The following SRD5A1 variants were observed in gnomAD, a reference collection of about 807,000 sequenced individuals.
SRD5A1 encodes the protein steroid 5 alpha-reductase 1, also known as 3-oxo-5-alpha-steroid 4-dehydrogenase 1.
SRD5A1 carries 22 observed loss-of-function variants against 28.2 expected under a neutral mutation model. That is an observed-to-expected ratio of 0.78 (90% confidence interval 0.56 to 1.12). The LOEUF is 1.12. Among genes scored for constraint, SRD5A1 ranks in the 50% most tolerant of loss-of-function variants. The pLI is 0.00. For synonymous variants in SRD5A1, 151 were observed against 135.0 expected (o/e 1.12, Z -0.82); for missense variants, 300 against 346.7 (o/e 0.87, Z 1.07).
intron 1 of SRD5A1, among the ~76,000 whole-genome samples, chr5:6,647,777 A>T (rs954842445): frequency 6.6e-6 from 1 of 152,250 alleles, no homozygotes; most frequent in East Asian, 1.9e-4. Context: ...ATTTAAGGTT[A>T]GTATTGTTAT....
intron 3 of SRD5A1, among the ~76,000 whole-genome samples, chr5:6,661,084 C>T (rs902228686): frequency 1.3e-5 from 2 of 152,144 alleles, no homozygotes; most frequent in African/African-American, 4.8e-5. Context: ...CAGAATCAAA[C>T]CATATCAGTA....
In SRD5A1 at chr5:6,674,031, T is replaced by C. The variant is rs1275684664; in HGVS notation, c.*5763T>C. Reference sequence around the variant, plus strand: ...TATGATACTTTATGGATATAGAATATTATGCATTTTTCAAAACACATAGAA... The same window carrying C: ...TATGATACTTTATGGATATAGAATACTATGCATTTTTCAAAACACATAGAA... On this transcript the variant is annotated 3_prime_UTR_variant, in exon 5 of 5. Transcript: ENST00000274192. The C allele has an allele frequency of 6.6e-6, 1 of 152,116 alleles. No individual in the cohort carries two copies. The highest frequency in any genetic ancestry group is 1.5e-5 in the Non-Finnish European group (1 of 68,020). The allele number at this position is 152,116 out of a possible 1,614,324, so 9.4% of individuals were successfully genotyped here. A position where few individuals can be genotyped will look rare whatever the true frequency, so the allele number is the denominator to read the frequency against.
chr5:6,663,960 G>A (rs1739086543), intron 4 of SRD5A1, among the ~76,000 whole-genome samples: 1 of 152,198 alleles, frequency 6.6e-6, no homozygotes, highest in South Asian at 2.1e-4. Flanking sequence ...CTGAGGTTCA[G>A]GGAGCAGAGT....
In SRD5A1 at chr5:6,669,367, T is replaced by A. The variant is rs1739294605; in HGVS notation, c.*1099T>A. ...AAGCTTTCCCCTCATAGCCTGTACC[T>A]GTTATCAATATAAAATAATCTTCCT... On this transcript the variant is annotated 3_prime_UTR_variant, in exon 5 of 5. Transcript: ENST00000274192. The A allele has an allele frequency of 6.6e-6, 1 of 152,256 alleles. No homozygotes were observed. Among genetic ancestry groups the A allele is most frequent in the Admixed American group, 6.5e-5 (1 of 15,282 alleles). The allele number at this position is 152,256 out of a possible 1,614,324, so 9.4% of individuals were successfully genotyped here.
intron 1 of SRD5A1, among the ~76,000 whole-genome samples, chr5:6,644,021 G>A (rs1435657582): frequency 6.6e-6 from 1 of 152,138 alleles, no homozygotes; most frequent in African/African-American, 2.4e-5. Context: ...GAAGAAAATT[G>A]GGAGAAATGG....
intron 4 of SRD5A1, among the ~76,000 whole-genome samples, chr5:6,664,548 G>T (rs1739104552): frequency 6.6e-6 from 1 of 152,156 alleles, no homozygotes. Context: ...GGGATTACAG[G>T]CATGCACCAC....
intron 3 of SRD5A1, among the ~76,000 whole-genome samples, chr5:6,659,527 A>G (rs1738941707): frequency 6.6e-6 from 1 of 152,210 alleles, no homozygotes; most frequent in Non-Finnish European, 1.5e-5. Flanking sequence ...AAGCATTGGA[A>G]CAGAATATAT....
intron 3 of SRD5A1, among the ~76,000 whole-genome samples, 156 bp from the exon 4 acceptor site, chr5:6,662,660 T>C (rs529196426): frequency 2.6e-5 from 4 of 152,246 alleles, no homozygotes; most frequent in Non-Finnish European, 5.9e-5. Flanking sequence ...TAGTAAACCA[T>C]GTAACGCTGG....
intron 3 of SRD5A1, among the ~76,000 whole-genome samples, chr5:6,658,917 G>C (rs1387519072): frequency 2.0e-5 from 3 of 151,780 alleles, no homozygotes; most frequent in Non-Finnish European, 4.4e-5. Flanking sequence ...TTCGAGACCA[G>C]CCTAGGCAAC....
At chr5:6,636,214 TA>T (rs1186088139) in intron 1 of SRD5A1, among the ~76,000 whole-genome samples, 2 of 152,208 alleles carry the variant, frequency 1.3e-5, no homozygotes, top group Admixed American at 1.3e-4. Flanking sequence ...TCACTTGATC[TA>T]AGTCATGAGC....
intron 3 of SRD5A1, among the ~76,000 whole-genome samples, chr5:6,656,643 G>T (rs1434073295): frequency 6.6e-6 from 1 of 152,188 alleles, no homozygotes; most frequent in African/African-American, 2.4e-5. Flanking sequence ...TGTCTTTTGA[G>T]AATTTGTGAT....
At chr5:6,656,310 A>G in intron 3 of SRD5A1, 131 bp downstream of exon 3, 1 of 710,824 alleles carries the variant, frequency 1.4e-6, no homozygotes, top group South Asian at 1.6e-5. Context: ...AGTCATCATT[A>G]TTAATAACAA....
chr5:6,658,848 A>G (rs1219570290), intron 3 of SRD5A1, among the ~76,000 whole-genome samples: 1 of 151,978 alleles, frequency 6.6e-6, no homozygotes, highest in African/African-American at 2.4e-5. Context: ...GCAGTGGCTC[A>G]CACCTGTAAT....
At chr5:6,654,563 G>C (rs763675226) in intron 2 of SRD5A1, among the ~76,000 whole-genome samples, 1 of 152,146 alleles carries the variant, frequency 6.6e-6, no homozygotes, top group Non-Finnish European at 1.5e-5. Context: ...CCTCAGAGTA[G>C]CTGGGATTAC....
At chr5:6,635,725 CAT>C (rs1738164817) in intron 1 of SRD5A1, among the ~76,000 whole-genome samples, 1 of 152,212 alleles carries the variant, frequency 6.6e-6, no homozygotes, top group Non-Finnish European at 1.5e-5. Flanking sequence ...CTGCCAGCCT[CAT>C]GTGCCAGCAA....
rs183901653 is a variant in SRD5A1 at position 6,647,391 on chromosome 5, C to A, written c.294-4451C>A. Among the ~76,000 whole-genome samples the A allele has an allele frequency of 2.8e-3, 429 of 152,174 alleles. 1 individual carries two copies. Among genetic ancestry groups the A allele is most frequent in the Non-Finnish European group, 4.6e-3 (312 of 67,990 alleles). Reference sequence around the variant, plus strand: ...GACAGTGGGGTGTTAAAGTCTCCCACTATTATTGTGTGGGAGTCTAAGTCT... The same window carrying A: ...GACAGTGGGGTGTTAAAGTCTCCCAATATTATTGTGTGGGAGTCTAAGTCT... On this transcript the variant is annotated intron_variant, in intron 1 of 4. Transcript: ENST00000274192.
intron 1 of SRD5A1, among the ~76,000 whole-genome samples, chr5:6,635,135 G>A (rs1738142335): frequency 6.6e-6 from 1 of 152,174 alleles, no homozygotes; most frequent in Non-Finnish European, 1.5e-5. Context: ...TGGAACCAGT[G>A]TTGTACCCAG....
chr5:6,666,798 T>A (rs939289866), intron 4 of SRD5A1, among the ~76,000 whole-genome samples: 1 of 151,944 alleles, frequency 6.6e-6, no homozygotes, highest in African/African-American at 2.4e-5. Context: ...CCCAGCCTGG[T>A]GGGGGGGCGC....
intron 3 of SRD5A1, among the ~76,000 whole-genome samples, chr5:6,661,646 C>T (rs372652125): frequency 4.7e-5 from 7 of 149,304 alleles, no homozygotes; most frequent in East Asian, 2.0e-4. Context: ...GATTCTCATG[C>T]GTCAGCCTCC....
Sources: gnomAD v4.1 joint callset for allele counts (sites outside exome capture counted in the v4.1 genomes callset) on GRCh38, gnomAD v4.1.1 for gene constraint, MANE v1.5 for transcripts, NCBI Gene and HGNC (gene_info 2026-07-23, HGNC 2026-07-21) for gene names.